PRKAR2A: variants seen among roughly 807,000 people sequenced by gnomAD.
PRKAR2A encodes protein kinase cAMP-dependent type II regulatory subunit alpha.
A neutral mutation model predicts 51.9 loss-of-function variants in PRKAR2A; 29 were observed. The observed-to-expected ratio is 0.56, with a 90% CI of 0.42 to 0.76. The LOEUF (loss-of-function observed/expected upper bound fraction) is 0.76. Ranked by LOEUF, PRKAR2A falls within the 30% of genes least tolerant of loss-of-function variation. The probability of loss-of-function intolerance (pLI) is 0.00; values close to 1 mark genes in which losing one functional copy is unlikely to be tolerated. For missense variants in PRKAR2A, 445 were observed against 512.1 expected (o/e 0.87, Z 1.26); for synonymous variants, 178 against 186.2 (o/e 0.96, Z 0.36).
intron 2 of PRKAR2A, among the ~76,000 whole-genome samples, chr3:48,799,195 C>T (rs1248465067): frequency 1.3e-5 from 2 of 152,192 alleles, no homozygotes; most frequent in East Asian, 1.9e-4. Flanking sequence ...ATCCCCTACG[C>T]AACCTCAAAC....
chr3:48,833,607 G>C (rs1427673281), intron 1 of PRKAR2A, among the ~76,000 whole-genome samples: 1 of 151,598 alleles, frequency 6.6e-6, no homozygotes, highest in Non-Finnish European at 1.5e-5. Flanking sequence ...CTACTCGGGA[G>C]GCTGAGGCAA....
chr3:48,836,437 AAAAAAAAG>A (rs1559651293), intron 1 of PRKAR2A, among the ~76,000 whole-genome samples: 3 of 139,124 alleles, frequency 2.2e-5, no homozygotes, highest in South Asian at 4.5e-4. Flanking sequence ...AAAAAAAAAA[AAAAAAAAG>A]AAGAAGAAAG....
At position 48,802,025 on chromosome 3, in the gene PRKAR2A, T is replaced by A. The variant is rs2082598470; in HGVS notation, c.298+5624A>T. On this transcript the variant is annotated intron_variant, in intron 2 of 10. Transcript: ENST00000265563. Reference sequence around the variant, plus strand: ...CCCGGGTTGAAGCGATTCTCCTGCCTCAGCCTCCTGAGTAGCTGGGATTAT... The same window carrying A: ...CCCGGGTTGAAGCGATTCTCCTGCCACAGCCTCCTGAGTAGCTGGGATTAT... Among the ~76,000 whole-genome samples the A allele has an allele frequency of 3.3e-5, 5 of 152,198 alleles. No homozygotes were observed. In the South Asian group the frequency reaches 1.0e-3, roughly 32 times the overall value.
chr3:48,780,795 G>A (rs1250465902), intron 5 of PRKAR2A, among the ~76,000 whole-genome samples: 1 of 151,792 alleles, frequency 6.6e-6, no homozygotes, highest in African/African-American at 2.4e-5. Context: ...TAAAAATGAG[G>A]AGAATAATTA....
chr3:48,819,718 C>A (rs995427017), intron 1 of PRKAR2A, among the ~76,000 whole-genome samples: 6 of 152,094 alleles, frequency 3.9e-5, no homozygotes, highest in Admixed American at 3.3e-4. Flanking sequence ...ATGATAAGCT[C>A]CTATAGTCAA....
At chr3:48,775,208 G>T (rs186875649) in intron 5 of PRKAR2A, among the ~76,000 whole-genome samples, 58 of 152,130 alleles carry the variant, frequency 3.8e-4, no homozygotes, top group Admixed American at 8.5e-4. Flanking sequence ...GGAGGCCAAG[G>T]TGGGTGGATC....
At chr3:48,798,611 A>G (rs1483696227) in intron 2 of PRKAR2A, among the ~76,000 whole-genome samples, 2 of 151,786 alleles carry the variant, frequency 1.3e-5, no homozygotes, top group African/African-American at 4.8e-5. Flanking sequence ...AAATGGGTAC[A>G]TGGGTATTAT....
At chr3:48,801,758 C>T (rs1407041274) in intron 2 of PRKAR2A, among the ~76,000 whole-genome samples, 3 of 151,614 alleles carry the variant, frequency 2.0e-5, no homozygotes, top group Non-Finnish European at 4.4e-5. Context: ...TTGTTTGAGA[C>T]GGAGTTTAAT....
At chr3:48,833,809 G>A (rs1251024259) in intron 1 of PRKAR2A, among the ~76,000 whole-genome samples, 1 of 151,564 alleles carries the variant, frequency 6.6e-6, no homozygotes, top group Non-Finnish European at 1.5e-5. Context: ...GCCAAGGAAG[G>A]TGGATCACCT....
chr3:48,814,605 A>G (rs1404499780), intron 1 of PRKAR2A, among the ~76,000 whole-genome samples: 1 of 152,172 alleles, frequency 6.6e-6, no homozygotes, highest in Non-Finnish European at 1.5e-5. Context: ...GATTTTAAAC[A>G]TTCTGTAATG....
chr3:48,801,638 C>T (rs1224515960), intron 2 of PRKAR2A, among the ~76,000 whole-genome samples: 1 of 152,140 alleles, frequency 6.6e-6, no homozygotes, highest in East Asian at 1.9e-4. Flanking sequence ...TGCTCTATAG[C>T]ACTGGCTGGA....
chr3:48,824,581 G>GAA (rs2083028032), intron 1 of PRKAR2A, among the ~76,000 whole-genome samples: 1 of 146,116 alleles, frequency 6.8e-6, no homozygotes, highest in Non-Finnish European at 1.5e-5. Context: ...AAGAAAGAAA[G>GAA]AAAGAAAGAA....
intron 1 of PRKAR2A, among the ~76,000 whole-genome samples, chr3:48,826,667 GC>G (rs2083073112): frequency 6.6e-6 from 1 of 152,094 alleles, no homozygotes; most frequent in South Asian, 2.1e-4. Context: ...CTGGTGACCA[GC>G]CCCCATCCTG....
At chr3:48,768,367 A>G (rs949029310) in intron 6 of PRKAR2A, among the ~76,000 whole-genome samples, 1 of 152,010 alleles carries the variant, frequency 6.6e-6, no homozygotes, top group African/African-American at 2.4e-5. Flanking sequence ...AGACAGACAG[A>G]CAGACACACA....
chr3:48,800,732 G>A (rs1353177550), intron 2 of PRKAR2A, among the ~76,000 whole-genome samples: 1 of 151,700 alleles, frequency 6.6e-6, no homozygotes. Flanking sequence ...GTACAGCGGC[G>A]CAATCTCCTC....
intron 1 of PRKAR2A, among the ~76,000 whole-genome samples, chr3:48,826,080 T>C (rs545268603): frequency 1.8e-4 from 27 of 152,156 alleles, no homozygotes; most frequent in Non-Finnish European, 3.1e-4. Context: ...CCGGGCAACA[T>C]AGAGAGACCC....
chr3:48,798,205 G>A (rs888259529), intron 2 of PRKAR2A, among the ~76,000 whole-genome samples: 7 of 151,998 alleles, frequency 4.6e-5, no homozygotes, highest in South Asian at 2.1e-4. Context: ...CACTGGCCTC[G>A]GCCTCCCAAA....
chr3:48,782,896 T>G, intron 5 of PRKAR2A, 90 bp downstream of exon 5: 1 of 953,450 alleles, frequency 1.0e-6, no homozygotes, highest in Non-Finnish European at 1.6e-6. Context: ...TTAGCCTCTC[T>G]GGGCTGAATA....
intron 1 of PRKAR2A, among the ~76,000 whole-genome samples, chr3:48,810,915 G>A (rs1479544930): frequency 1.3e-5 from 2 of 152,178 alleles, no homozygotes; most frequent in African/African-American, 4.8e-5. Flanking sequence ...AGTGGCTCAT[G>A]CTTATAATCT....
Sources: gnomAD v4.1 joint callset for allele counts (sites outside exome capture counted in the v4.1 genomes callset) on GRCh38, gnomAD v4.1.1 for gene constraint, MANE v1.5 for transcripts, NCBI Gene and HGNC (gene_info 2026-07-23, HGNC 2026-07-21) for gene names.